The following SIRPA variants were observed in gnomAD, a reference collection of about 807,000 sequenced individuals.
The protein encoded by SIRPA is signal regulatory protein alpha, also known as tyrosine-protein phosphatase non-receptor type substrate 1.
SIRPA carries 9 observed loss-of-function variants against 50.3 expected under a neutral mutation model. That is an observed-to-expected ratio of 0.18 (90% CI 0.11 to 0.31). The LOEUF (loss-of-function observed/expected upper bound fraction) is 0.31, where lower values mean the gene tolerates loss of function less well. Among genes scored for constraint, SIRPA ranks in the 10% least tolerant of loss-of-function variants. SIRPA has a pLI of 1.00. For missense variants in SIRPA, 474 were observed against 661.6 expected (o/e 0.72, Z 3.11); for synonymous variants, 265 against 284.1 (o/e 0.93, Z 0.68).
chr20:1,931,845 T>A (rs1272865140), intron 6 of SIRPA, among the ~76,000 whole-genome samples: 1 of 152,242 alleles, frequency 6.6e-6, no homozygotes, highest in Non-Finnish European at 1.5e-5. Context: ...TCTGCTCCCT[T>A]AATGGGGCAC....
At chr20:1,919,465 G>A (rs1382112543) in intron 2 of SIRPA, among the ~76,000 whole-genome samples, 1 of 152,196 alleles carries the variant, frequency 6.6e-6, no homozygotes, top group African/African-American at 2.4e-5. Flanking sequence ...CAGCTCTTTG[G>A]AGGCCCCAGT....
At chr20:1,903,035 A>AAG in intron 1 of SIRPA, among the ~76,000 whole-genome samples, 1 of 96,712 alleles carries the variant, frequency 1.0e-5, no homozygotes, top group Admixed American at 1.1e-4. Flanking sequence ...AAAAAAAAGA[A>AAG]AAGAAAGAAA....
chr20:1,906,858 A>C (rs147005312), intron 1 of SIRPA, among the ~76,000 whole-genome samples: 40 of 152,292 alleles, frequency 2.6e-4, no homozygotes, highest in African/African-American at 9.4e-4. Flanking sequence ...AGGATCTACT[A>C]ACAGATGGGT....
At chr20:1,894,687 G>A (rs965942842), upstream of SIRPA, 4 of 149,228 alleles carry the variant, frequency 2.7e-5, no homozygotes, top group Non-Finnish European at 4.5e-5. This position sits in a 1 kb window ranked among gnomAD's most constrained non-coding sequence, Gnocchi z 4.0. Context: ...AGCAGCCGGG[G>A]CCCGGGCGCC....
At chr20:1,918,581 A>G (rs1324660290) in intron 2 of SIRPA, among the ~76,000 whole-genome samples, 1 of 151,794 alleles carries the variant, frequency 6.6e-6, no homozygotes, top group Admixed American at 6.6e-5. Flanking sequence ...CAGTTTCCCC[A>G]TGCGTAGAAC....
chr20:1,935,836 G>C (rs145846436), intron 7 of SIRPA, among the ~76,000 whole-genome samples: 1 of 152,306 alleles, frequency 6.6e-6, no homozygotes, highest in Non-Finnish European at 1.5e-5. Context: ...GCCAGCCCTG[G>C]CCAGGGAGGG....
At chr20:1,919,090 T>C (rs1600429475) in intron 2 of SIRPA, among the ~76,000 whole-genome samples, 1 of 152,344 alleles carries the variant, frequency 6.6e-6, no homozygotes, top group East Asian at 1.9e-4. Context: ...ATGTGAGCTG[T>C]GTGATGCTGA....
In SIRPA at chr20:1,937,533, T is replaced by C. The variant is rs776719258; in HGVS notation, c.1480T>C (p.Ser494Pro). Reference sequence around the variant, plus strand: ...GGCCCCCAAGCCTGAGCCGTCCTTCTCAGAGTACGCCAGCGTCCAGGTCCC... The same window carrying C: ...GGCCCCCAAGCCTGAGCCGTCCTTCCCAGAGTACGCCAGCGTCCAGGTCCC... ...QPAPKPEPSF[S>P]EYASVQVPRK The change falls in exon 8 of 8, where the codon TCA becomes CCA. Residue 494 changes from serine to proline, a missense_variant. Ser to Pro is a moderately conservative substitution (Grantham distance 74). This residue lies in a region of SIRPA where 180 missense variants were observed against 206.7 expected (regional missense o/e 0.87). Transcript: ENST00000358771. The surrounding 1 kb of genome is among the most constrained non-coding windows in gnomAD (Gnocchi z 8.3). 3 of 1,614,108 alleles carry C rather than the reference T, an allele frequency of 1.9e-6. No individual in the cohort carries two copies. The highest frequency in any genetic ancestry group is 2.5e-6 in the Non-Finnish European group (3 of 1,180,028).
At chr20:1,930,808 T>C (rs1475383528) in intron 6 of SIRPA, among the ~76,000 whole-genome samples, 1 of 152,202 alleles carries the variant, frequency 6.6e-6, no homozygotes, top group African/African-American at 2.4e-5. Context: ...CAGGCTGGTC[T>C]TGAACTCCCG....
chr20:1,895,093 T>C (rs1385753489), upstream of SIRPA, among the ~76,000 whole-genome samples: 1 of 150,732 alleles, frequency 6.6e-6, no homozygotes, highest in Non-Finnish European at 1.5e-5. Context: ...CGCTCCTCGC[T>C]CTCCCCCTCT....
chr20:1,917,786 G>A (rs535435416), intron 2 of SIRPA, among the ~76,000 whole-genome samples: 5 of 152,242 alleles, frequency 3.3e-5, no homozygotes, highest in African/African-American at 1.2e-4. Flanking sequence ...GGGGCTCATT[G>A]GAGCAAGAGT....
In SIRPA at chr20:1,924,533, A is replaced by G. The variant is rs1469485959; in HGVS notation, c.1088-231A>G. Among the ~76,000 whole-genome samples the G allele has an allele frequency of 6.6e-6, 1 of 152,172 alleles. No individual in the cohort carries two copies. Among genetic ancestry groups the G allele is most frequent in the African/African-American group, 2.4e-5 (1 of 41,430 alleles). On this transcript the variant is annotated intron_variant, in intron 4 of 7. Coordinates refer to ENST00000358771, the MANE Select transcript of SIRPA (RefSeq NM_001040023.2). This position sits in a 1 kb window ranked among gnomAD's most constrained non-coding sequence, Gnocchi z 4.5. Reference sequence around the variant, plus strand: ...GGGTTCCTCCGTAGCTGTCAGCTACAAATATATTCCCCCCTGGCACCTCAG... The same window carrying G: ...GGGTTCCTCCGTAGCTGTCAGCTACGAATATATTCCCCCCTGGCACCTCAG...
chr20:1,903,031 AAG>A (rs1491276766), intron 1 of SIRPA, among the ~76,000 whole-genome samples: 12 of 101,666 alleles, frequency 1.2e-4, no homozygotes, highest in African/African-American at 5.0e-4. Flanking sequence ...AAAAAAAAAA[AAG>A]AAAAGAAAGA....
chr20:1,911,226 A>C (rs1370909347), intron 1 of SIRPA, among the ~76,000 whole-genome samples: 1 of 152,190 alleles, frequency 6.6e-6, no homozygotes, highest in African/African-American at 2.4e-5. Flanking sequence ...TTTTATTTTC[A>C]TACAGACACT....
chr20:1,920,841 C>T (rs536082151), intron 2 of SIRPA, among the ~76,000 whole-genome samples: 1 of 152,362 alleles, frequency 6.6e-6, no homozygotes, highest in Middle Eastern at 3.4e-3. Flanking sequence ...AAAACTGCTT[C>T]TGTTGCCTCA....
At chr20:1,901,163 CTTTTTT>C (rs869181595) in intron 1 of SIRPA, among the ~76,000 whole-genome samples, 92 of 78,888 alleles carry the variant, frequency 1.2e-3, no homozygotes, top group Middle Eastern at 9.3e-3. Context: ...TTCTTTCTTT[CTTTTTT>C]TTTTTTTTTT....
Position 1,934,420 on chromosome 20 carries a change from A to G in SIRPA, c.1227-295A>G, listed in dbSNP as rs1986458639. 6.6e-6 allele frequency among the ~76,000 whole-genome samples: 1 copy of G among 152,158 alleles called. No homozygotes were observed. Among genetic ancestry groups the G allele is most frequent in the South Asian group, 2.1e-4 (1 of 4,830 alleles). On this transcript the variant is annotated intron_variant, in intron 6 of 7. Coordinates refer to ENST00000358771, the MANE Select transcript of SIRPA (RefSeq NM_001040023.2). The surrounding 1 kb of genome is among the most constrained non-coding windows in gnomAD (Gnocchi z 4.6). ...GGTTTGCCTCTCCCACCAGTGACGT[A>G]TGAAAGCTCCAGTTCATTTCACCAT...
chr20:1,906,936 G>A (rs953468397), intron 1 of SIRPA, among the ~76,000 whole-genome samples: 5 of 152,188 alleles, frequency 3.3e-5, no homozygotes. Context: ...TAACCACAGA[G>A]CCTCTGACCT....
chr20:1,895,939 G>C (rs1983783137), intron 1 of SIRPA, among the ~76,000 whole-genome samples: 2 of 152,222 alleles, frequency 1.3e-5, no homozygotes, highest in Admixed American at 6.5e-5. Flanking sequence ...CAGGGTGTGA[G>C]GGGAGGAGGT....
Sources: gnomAD v4.1 joint callset for allele counts (sites outside exome capture counted in the v4.1 genomes callset) on GRCh38, gnomAD v4.1.1 for gene constraint, gnomAD v4.1.1 regional missense constraint, Gnocchi (gnomAD v3.1) non-coding constraint, MANE v1.5 for transcripts, NCBI Gene and HGNC (gene_info 2026-07-23, HGNC 2026-07-21) for gene names.